PKP4: variants seen among roughly 807,000 people sequenced by gnomAD.
PKP4 encodes the protein plakophilin 4.
Under a neutral mutation model 145.1 loss-of-function variants are expected in PKP4, and 90 were observed. The ratio of observed to expected loss-of-function variants is 0.62; its 90% CI spans 0.52 to 0.74. The LOEUF is 0.74. Ranked by LOEUF, PKP4 falls within the 30% of genes least tolerant of loss-of-function variation. The probability of loss-of-function intolerance (pLI) is 0.00; values close to 1 mark genes in which losing one functional copy is unlikely to be tolerated. For synonymous variants in PKP4, 563 were observed against 577.2 expected, an observed-to-expected ratio of 0.98 and a Z score of 0.35; for missense variants, 1,340 against 1,482.7, an observed-to-expected ratio of 0.90 and a Z score of 1.58.
chr2:158,499,108 G>A (rs957046443), intron 1 of PKP4, among the ~76,000 whole-genome samples: 2 of 152,126 alleles, frequency 1.3e-5, no homozygotes, highest in African/African-American at 4.8e-5. Context: ...GTCCAAAATG[G>A]CAGTTACTTC....
chr2:158,573,171 G>A (rs1458721268), intron 2 of PKP4, among the ~76,000 whole-genome samples: 1 of 152,018 alleles, frequency 6.6e-6, no homozygotes. Flanking sequence ...ATACTATTGG[G>A]CAGTGAAAAT....
At chr2:158,478,635 ATG>A (rs1692882396) in intron 1 of PKP4, among the ~76,000 whole-genome samples, 1 of 152,252 alleles carries the variant, frequency 6.6e-6, no homozygotes, top group South Asian at 2.1e-4. Context: ...CACAAGCAAA[ATG>A]TGAATTATCC....
At chr2:158,678,494 G>T (rs931914709) in intron 20 of PKP4, 87 bp from the exon 21 acceptor site, 7 of 907,692 alleles carry the variant, frequency 7.7e-6, no homozygotes, top group African/African-American at 1.6e-5. Flanking sequence ...CGGGGACAGT[G>T]CTAGCCCTAG....
chr2:158,614,734 T>C (rs188533055), intron 4 of PKP4, among the ~76,000 whole-genome samples: 76 of 152,316 alleles, frequency 5.0e-4, no homozygotes, highest in African/African-American at 1.7e-3. Flanking sequence ...AGTTTTAGCC[T>C]TTAATATTTT....
intron 16 of PKP4, among the ~76,000 whole-genome samples, chr2:158,667,055 C>G (rs1476512353): frequency 6.6e-6 from 1 of 152,112 alleles, no homozygotes; most frequent in Non-Finnish European, 1.5e-5. Flanking sequence ...AGGGGCAGGA[C>G]TAGGGTGAGC....
rs141603737 is a variant in PKP4 at position 158,572,455 on chromosome 2, G to A, written c.133-4816G>A. On this transcript the variant is annotated intron_variant, in intron 2 of 21. Transcript: ENST00000389759. ...ACCAAAATGCAAATGAGAATCCTAA[G>A]CAATAAACCTGGCTTTTACCCTGAA... Among the ~76,000 whole-genome samples, 172 of 152,302 alleles carry A rather than the reference G, an allele frequency of 1.1e-3. 1 individual carries two copies. The highest frequency in any genetic ancestry group is 1.8e-4 in the Non-Finnish European group (12 of 68,016).
At chr2:158,548,384 A>G (rs1183911728) in intron 2 of PKP4, 1 of 151,600 alleles carries the variant, frequency 6.6e-6, no homozygotes, top group Non-Finnish European at 1.5e-5. Context: ...TAGATTATTC[A>G]ACTTCATAAA....
intron 3 of PKP4, among the ~76,000 whole-genome samples, chr2:158,590,604 C>G (rs2049188039): frequency 6.6e-6 from 1 of 151,836 alleles, no homozygotes; most frequent in Admixed American, 6.6e-5. Flanking sequence ...TATCTGTTTT[C>G]TGAACAACAT....
chr2:158,616,877 G>C (rs1355892153), intron 4 of PKP4, among the ~76,000 whole-genome samples: 1 of 152,084 alleles, frequency 6.6e-6, no homozygotes, highest in African/African-American at 2.4e-5. Context: ...AATAATTTCA[G>C]GTTCATTAAA....
At chr2:158,654,599 CCTATCCCCGTAA>C (rs1304327260) in intron 11 of PKP4, among the ~76,000 whole-genome samples, 1 of 152,130 alleles carries the variant, frequency 6.6e-6, no homozygotes, top group Non-Finnish European at 1.5e-5. Context: ...ACTGGATTCT[CCTATCCCCGTAA>C]CTAAGATGGT....
At chr2:158,469,530 T>C (rs1691222700) in intron 1 of PKP4, among the ~76,000 whole-genome samples, 1 of 152,220 alleles carries the variant, frequency 6.6e-6, no homozygotes, top group African/African-American at 2.4e-5. Context: ...GATACTTTGG[T>C]TAGTTTTTAT....
chr2:158,670,251 C>T lies in PKP4; in HGVS notation c.2924+336C>T, dbSNP rs189037266. On this transcript the variant is annotated intron_variant, in intron 17 of 21. Coordinates refer to ENST00000389759, the MANE Select transcript of PKP4 (RefSeq NM_003628.6). ...ATTTATTTCTCACAGTTCTAGAGGCCGGGAAATCCAAGATCAGGGCACCAA... is the reference window on the plus strand; with the variant it reads ...ATTTATTTCTCACAGTTCTAGAGGCTGGGAAATCCAAGATCAGGGCACCAA... Among the ~76,000 whole-genome samples the T allele has an allele frequency of 3.9e-3, 597 of 152,202 alleles. 4 individuals are homozygous for T. Among genetic ancestry groups the T allele is most frequent in the Non-Finnish European group, 7.2e-3 (492 of 68,020 alleles).
intron 1 of PKP4, among the ~76,000 whole-genome samples, chr2:158,522,823 C>G (rs545166600): frequency 6.6e-6 from 1 of 152,064 alleles, no homozygotes; most frequent in Non-Finnish European, 1.5e-5. Context: ...ACCTGGGAAG[C>G]GCAAGGGGTC....
At position 158,669,810 on chromosome 2, in the gene PKP4, G is replaced by A. The variant is rs559443382; in HGVS notation, c.2819G>A (p.Cys940Tyr). 6.2e-7 allele frequency: 1 copy of A among 1,614,100 alleles called. No homozygotes were observed. The highest frequency in any genetic ancestry group is 8.5e-7 in the Non-Finnish European group (1 of 1,179,918). Residue 940 changes from cysteine (C) to tyrosine (Y), a missense_variant, in exon 17 of 22, where the codon TGT becomes TAT. Cys to Tyr is a radical substitution (Grantham distance 194). Transcript: ENST00000389759. ...GATGAGACCATGGCAGCCATCTGCT[G>A]TGCTCTGCACGAGGTCACCAGCAAA... ...LSDETMAAIC[C>Y]ALHEVTSKNM...
At chr2:158,609,046 AC>A (rs1159129915) in intron 4 of PKP4, among the ~76,000 whole-genome samples, 2 of 151,396 alleles carry the variant, frequency 1.3e-5, no homozygotes, top group Non-Finnish European at 2.9e-5. Context: ...CGAACTCCTA[AC>A]CTCAGGTGAT....
At chr2:158,619,425 C>A (rs2051978537) in intron 4 of PKP4, among the ~76,000 whole-genome samples, 1 of 152,108 alleles carries the variant, frequency 6.6e-6, no homozygotes. Flanking sequence ...TCGGTAAAAA[C>A]CTATACTAAG....
intron 1 of PKP4, among the ~76,000 whole-genome samples, chr2:158,511,827 A>G (rs951754619): frequency 1.1e-4 from 17 of 152,182 alleles, no homozygotes; most frequent in Non-Finnish European, 2.4e-4. Context: ...GTAGAAGCAC[A>G]TGCAAACACA....
At chr2:158,669,999 C>T in intron 17 of PKP4, 84 bp downstream of exon 17, 1 of 1,086,152 alleles carries the variant, frequency 9.2e-7, no homozygotes, top group Non-Finnish European at 1.3e-6. Flanking sequence ...GATACCTTTC[C>T]TATTGGAAAG....
intron 1 of PKP4, among the ~76,000 whole-genome samples, chr2:158,459,804 CACACACACG>C (rs1441175654): frequency 6.6e-6 from 1 of 151,850 alleles, no homozygotes; most frequent in Non-Finnish European, 1.5e-5. Flanking sequence ...CACACACACA[CACACACACG>C]ACACACACAC....
Sources: allele counts gnomAD v4.1 joint callset (sites outside exome capture counted in the v4.1 genomes callset), GRCh38; gene constraint gnomAD v4.1.1; transcripts MANE v1.5; gene names NCBI Gene and HGNC (gene_info 2026-07-23, HGNC 2026-07-21).